Variants in CNGB1 observed in about 807,000 individuals in gnomAD.
The protein encoded by CNGB1 is cyclic nucleotide-gated channel beta-1.
CNGB1 carries 126 observed loss-of-function variants against 151.7 expected under a neutral mutation model. The ratio of observed to expected loss-of-function variants is 0.83; its 90% confidence interval spans 0.72 to 0.96. CNGB1 has a LOEUF of 0.96. Ranked by LOEUF, CNGB1 falls within the 40% of genes least tolerant of loss-of-function variation. The probability of loss-of-function intolerance (pLI) is 0.00; values close to 1 mark genes in which losing one functional copy is unlikely to be tolerated. For missense variants in CNGB1, 1,698 were observed against 1,627.0 expected, an observed-to-expected ratio of 1.04 and a Z score of -0.75; for synonymous variants, 623 against 635.1, an observed-to-expected ratio of 0.98 and a Z score of 0.29.
rs201203400 is a variant in CNGB1, at chr16:57,950,391, T to C, written c.1024A>G (p.Lys342Glu). ...AYEEENKAVE[K>E]MPRELSRIEE... ...TCTCAGACTCCCCACCTGGGCATCT[T>C]CTCCACAGCTTTGTTCTCTTCTTCA... is the stretch of plus-strand genomic sequence containing the variant. Residue 342 changes from lysine (K) to glutamate (E), a missense_variant, in exon 13 of 33, where the codon AAG becomes GAG. Physicochemically the swap from Lys to Glu is moderately conservative, Grantham distance 56. Transcript: ENST00000251102. The C allele has an allele frequency of 6.4e-4, 1,039 of 1,614,088 alleles. 2 individuals are homozygous for C. The highest frequency in any genetic ancestry group is 8.5e-4 in the Non-Finnish European group (1,007 of 1,180,040).
At chr16:57,890,266 A>G (rs370347766) in intron 31 of CNGB1, among the ~76,000 whole-genome samples, 15 of 152,280 alleles carry the variant, frequency 9.9e-5, no homozygotes, top group African/African-American at 3.4e-4. Flanking sequence ...GTGCATGTTG[A>G]TATTAATTGC....
At chr16:57,955,287 C>T in intron 12 of CNGB1, 2 of 1,551,250 alleles carry the variant, frequency 1.3e-6, no homozygotes, top group South Asian at 2.4e-5. Context: ...GGGCATCCTT[C>T]TTTCCTTCCA....
chr16:57,903,975 C>G lies in CNGB1; in HGVS notation c.2641G>C (p.Asp881His). Reference sequence around the variant, plus strand: ...CCGGCGGTGGCGGCCCCTACCACATCTCTCATCTGGGGGAAGGGTTATGGG... The same window carrying G: ...CCGGCGGTGGCGGCCCCTACCACATGTCTCATCTGGGGGAAGGGTTATGGG... The part of the protein sequence containing the change: ...AFSVMIGQMR[D>H]VVGAATAGQT... The change falls in exon 27 of 33, where the codon GAT (aspartate) becomes CAT (histidine). Residue 881 changes from aspartate to histidine, a missense_variant. Coordinates refer to ENST00000251102, the MANE Select transcript of CNGB1 (RefSeq NM_001297.5). 1 of 1,613,690 alleles carries G rather than the reference C, an allele frequency of 6.2e-7. No homozygotes were observed. Among genetic ancestry groups the G allele is most frequent in the Non-Finnish European group, 8.5e-7 (1 of 1,179,910 alleles).
At chr16:57,963,757 G>A (rs1962320727) in intron 4 of CNGB1, among the ~76,000 whole-genome samples, 1 of 152,210 alleles carries the variant, frequency 6.6e-6, no homozygotes, top group African/African-American at 2.4e-5. Context: ...TCACTATGCA[G>A]CTCTGACCCA....
chr16:57,891,852 G>A (rs1055296896), intron 31 of CNGB1, among the ~76,000 whole-genome samples: 6 of 151,996 alleles, frequency 3.9e-5, no homozygotes, highest in Non-Finnish European at 5.9e-5. Flanking sequence ...CCACTGTGCC[G>A]GCTAAAGACA....
At chr16:57,967,469 C>T (rs914303583) in intron 1 of CNGB1, 175 bp from the exon 2 acceptor site, 2 of 618,308 alleles carry the variant, frequency 3.2e-6, no homozygotes, top group African/African-American at 1.8e-5. Flanking sequence ...TGAGATGGGC[C>T]GATTGCTTGA....
chr16:57,949,574 G>T, intron 13 of CNGB1, 135 bp from the exon 14 acceptor site: 2 of 1,440,344 alleles, frequency 1.4e-6, no homozygotes, highest in Non-Finnish European at 1.9e-6. Flanking sequence ...GGCTCAACCT[G>T]GGGAGCCCCA....
In CNGB1 at chr16:57,907,067, A is replaced by G. The variant is rs552113163; in HGVS notation, c.2493-2192T>C. ...CCTTCATTACTCGTACTCGGTTCAC[A>G]TGTTGGGGTTCCCTGCAGGACGACA... On this transcript the variant is annotated intron_variant, in intron 25 of 32. Coordinates refer to ENST00000251102, the MANE Select transcript of CNGB1 (RefSeq NM_001297.5). Among the ~76,000 whole-genome samples, 13 of 152,342 alleles carry G rather than the reference A, an allele frequency of 8.5e-5. No individual in the cohort carries two copies. In the East Asian group the frequency reaches 2.1e-3, roughly 25 times the overall value.
At chr16:57,910,673 CTTTTTTTTTTT>C (rs56363726) in intron 25 of CNGB1, among the ~76,000 whole-genome samples, 8 of 104,316 alleles carry the variant, frequency 7.7e-5, no homozygotes, top group African/African-American at 3.2e-4. Context: ...CAAGCCCGGC[CTTTTTTTTTTT>C]TTTTTTTTTT....
chr16:57,958,454 T>C lies in CNGB1; in HGVS notation c.793A>G (p.Met265Val). Residue 265 changes from methionine to valine, a missense_variant, in exon 11 of 33, where the codon ATG becomes GTG. By Grantham distance (21) the Met-to-Val change is conservative (BLOSUM62 1). Coordinates refer to ENST00000251102, the MANE Select transcript of CNGB1 (RefSeq NM_001297.5). The part of the protein sequence containing the change: ...LVAWVLHRLE[M>V]ALPQPVLHGK... ...TGTAGCACTGGCTGCGGCAAGGCCATCTCCAGCCTGTGCAGGACCCATGCC... is the reference window on the plus strand; with the variant it reads ...TGTAGCACTGGCTGCGGCAAGGCCACCTCCAGCCTGTGCAGGACCCATGCC... 6.2e-7 allele frequency: 1 copy of C among 1,614,106 alleles called. No individual in the cohort carries two copies. Among genetic ancestry groups the C allele is most frequent in the Non-Finnish European group, 8.5e-7 (1 of 1,179,998 alleles).
intron 19 of CNGB1, among the ~76,000 whole-genome samples, 178 bp downstream of exon 19, chr16:57,920,209 C>G (rs905053286): frequency 6.6e-6 from 1 of 152,188 alleles, no homozygotes; most frequent in Non-Finnish European, 1.5e-5. Flanking sequence ...ATCTTCCCAC[C>G]CTTGGGTACA....
rs753172645 is a variant in CNGB1, at chr16:57,919,193, C to T, written c.1863G>A (p.Val621=). The T allele has an allele frequency of 3.1e-6, 5 of 1,614,234 alleles. No individual in the cohort carries two copies. The Admixed American group carries it at 8.3e-5, about 27-fold the overall frequency. Residue 621 remains valine (V), a synonymous_variant, in exon 20 of 33, where the codon GTG becomes GTA. Coordinates refer to ENST00000251102, the MANE Select transcript of CNGB1 (RefSeq NM_001297.5). ...PDTKPAEAEP[V]EEEHYCDMLC... ...GCATGTCGCAATAGTGCTCCTCTTCCACTGGCTCGGCTTCAGCGGGCTTTG... is the reference window on the plus strand; with the variant it reads ...GCATGTCGCAATAGTGCTCCTCTTCTACTGGCTCGGCTTCAGCGGGCTTTG...
intron 25 of CNGB1, among the ~76,000 whole-genome samples, chr16:57,907,903 A>G: frequency 6.6e-6 from 1 of 152,040 alleles, no homozygotes; most frequent in Non-Finnish European, 1.5e-5. Context: ...CCTCTGGCAC[A>G]TCTCTTTCGA....
At position 57,904,737 on chromosome 16, in the gene CNGB1, T is replaced by C. The variant is rs1567370046; in HGVS notation, c.2631A>G (p.Gly877=). ...AGCTGGGCTGGTGCCCCGATACCTG[T>C]CCGATCATCACAGAGAAAGCAAAGA... ...TGVFAFSVMI[G]QMRDVVGAAT... Residue 877 remains glycine (G), a synonymous_variant, in exon 26 of 33, where the codon GGA becomes GGG. Transcript: ENST00000251102. 1 of 1,614,062 alleles carries C rather than the reference T, an allele frequency of 6.2e-7. No individual in the cohort carries two copies. The highest frequency in any genetic ancestry group is 8.5e-7 in the Non-Finnish European group (1 of 1,180,020).
chr16:57,897,934 A>G lies in CNGB1; in HGVS notation c.2977-20T>C. 1.2e-6 allele frequency: 2 copies of G among 1,612,156 alleles called. No homozygotes were observed. Among genetic ancestry groups the G allele is most frequent in the Non-Finnish European group, 1.7e-6 (2 of 1,178,134 alleles). On this transcript the variant is annotated intron_variant, in intron 29 of 32. Coordinates refer to ENST00000251102, the MANE Select transcript of CNGB1 (RefSeq NM_001297.5). ...CTCCCCCTGAAACAAAGAAGTGACA[A>G]GTCCCTCTGTTCATCCCCCAAAGTC...
chr16:57,960,139 G>A (rs2149386627), intron 9 of CNGB1, 74 bp from the exon 10 acceptor site: 2 of 1,527,936 alleles, frequency 1.3e-6, no homozygotes, highest in Non-Finnish European at 8.8e-7. Context: ...AGGGCACGGG[G>A]CCAGATTCGA....
chr16:57,968,253 T>A (rs893313756), intron 1 of CNGB1, among the ~76,000 whole-genome samples: 1 of 152,118 alleles, frequency 6.6e-6, no homozygotes, highest in Non-Finnish European at 1.5e-5. Context: ...ATCCCAGCAC[T>A]TTGGGAGGCT....
chr16:57,933,541 C>CATT (rs1961418345), intron 16 of CNGB1, among the ~76,000 whole-genome samples: 1 of 152,112 alleles, frequency 6.6e-6, no homozygotes, highest in Non-Finnish European at 1.5e-5. Context: ...TCAGAGGATA[C>CATT]TGAGAGGCTG....
At chr16:57,921,590 A>G (rs1961037654) in intron 18 of CNGB1, among the ~76,000 whole-genome samples, 1 of 151,970 alleles carries the variant, frequency 6.6e-6, no homozygotes, top group African/African-American at 2.4e-5. Context: ...CCCTACACTC[A>G]TTCTCTCCTG....
Sources: allele counts gnomAD v4.1 joint callset (sites outside exome capture counted in the v4.1 genomes callset), GRCh38; gene constraint gnomAD v4.1.1; transcripts MANE v1.5; gene names NCBI Gene and HGNC (gene_info 2026-07-23, HGNC 2026-07-21).